ULK4: variants seen among roughly 807,000 people sequenced by gnomAD.
ULK4 encodes inactive serine/threonine-protein kinase ULK4.
Under a neutral mutation model 160.6 loss-of-function variants are expected in ULK4, and 133 were observed. The observed-to-expected ratio is 0.83, with a 90% confidence interval of 0.72 to 0.96. The LOEUF is 0.96. Among genes scored for constraint, ULK4 ranks in the 40% least tolerant of loss-of-function variants. The pLI is 0.00. For synonymous variants in ULK4, 534 were observed against 539.8 expected (o/e 0.99, Z 0.15); for missense variants, 1,580 against 1,499.5 (o/e 1.05, Z -0.89).
chr3:41,537,700 G>A (rs1044553935), intron 32 of ULK4, among the ~76,000 whole-genome samples: 5 of 152,168 alleles, frequency 3.3e-5, no homozygotes, highest in Non-Finnish European at 1.5e-5. Context: ...GATCAATCCA[G>A]AAAAAGTGTT....
intron 34 of ULK4, among the ~76,000 whole-genome samples, chr3:41,416,197 G>A (rs2082522187): frequency 6.6e-6 from 1 of 152,154 alleles, no homozygotes; most frequent in African/African-American, 2.4e-5. Flanking sequence ...TAAACTGGTA[G>A]GCCCTGGGAC....
intron 19 of ULK4, among the ~76,000 whole-genome samples, chr3:41,806,792 T>C (rs922322036): frequency 2.0e-5 from 3 of 152,150 alleles, no homozygotes; most frequent in Non-Finnish European, 4.4e-5. Context: ...TCAAGCTTCA[T>C]AAAAATTTTA....
intron 12 of ULK4, among the ~76,000 whole-genome samples, chr3:41,902,947 G>T (rs918759148): frequency 1.3e-5 from 2 of 152,158 alleles, no homozygotes; most frequent in Non-Finnish European, 2.9e-5. Context: ...AGTTAATGAA[G>T]ACACTTAAAT....
intron 17 of ULK4, among the ~76,000 whole-genome samples, chr3:41,872,311 GT>G: frequency 6.6e-6 from 1 of 152,182 alleles, no homozygotes; most frequent in Non-Finnish European, 1.5e-5. Flanking sequence ...TTTCTGCTGG[GT>G]TCCACAGGGT....
chr3:41,306,741 G>C (rs1413109881), intron 35 of ULK4, among the ~76,000 whole-genome samples: 1 of 151,872 alleles, frequency 6.6e-6, no homozygotes, highest in Non-Finnish European at 1.5e-5. Flanking sequence ...GAAATCGGAT[G>C]GTTGCCGTGT....
chr3:41,930,468 C>A (rs138732282), intron 5 of ULK4, among the ~76,000 whole-genome samples: 19,173 of 152,142 alleles, frequency 0.13, 1,388 homozygotes, highest in Middle Eastern at 0.27. Flanking sequence ...GTAATGGCAG[C>A]AAAAGCCAAA....
In ULK4 at chr3:41,449,079, G is replaced by A. The variant is rs369025248; in HGVS notation, c.3492+6418C>T. 4.0e-4 allele frequency among the ~76,000 whole-genome samples: 61 copies of A among 152,026 alleles called. No homozygotes were observed. In the South Asian group the frequency reaches 5.8e-3, roughly 15 times the overall value. On this transcript the variant is annotated intron_variant, in intron 34 of 36. Transcript: ENST00000301831. ...ACTACAGGCATGCGCCACCATGCCTGGTTAATTTTTGTATTTTTAGTAGAT... is the reference window on the plus strand; with the variant it reads ...ACTACAGGCATGCGCCACCATGCCTAGTTAATTTTTGTATTTTTAGTAGAT...
intron 13 of ULK4, among the ~76,000 whole-genome samples, chr3:41,900,441 C>A (rs1698311365): frequency 6.6e-6 from 1 of 152,122 alleles, no homozygotes; most frequent in African/African-American, 2.4e-5. Flanking sequence ...GCTGGCAACC[C>A]CTCCATGGCA....
intron 30 of ULK4, among the ~76,000 whole-genome samples, chr3:41,652,459 A>T (rs1041088239): frequency 6.6e-6 from 1 of 152,206 alleles, no homozygotes; most frequent in Non-Finnish European, 1.5e-5. Flanking sequence ...CAGGAGATAC[A>T]GTGACGAGTT....
chr3:41,934,106 C>A (rs1716653), intron 4 of ULK4, among the ~76,000 whole-genome samples: 112,475 of 151,958 alleles, frequency 0.74, 42,915 homozygotes, highest in East Asian at 0.83. Context: ...GGCTGAGAAA[C>A]AAATCAAAAT....
intron 34 of ULK4, among the ~76,000 whole-genome samples, chr3:41,405,811 T>C (rs2082282629): frequency 1.4e-5 from 2 of 143,394 alleles, no homozygotes; most frequent in Non-Finnish European, 3.0e-5. Flanking sequence ...CATTTTTTAA[T>C]GAGTTTTTTT....
intron 21 of ULK4, among the ~76,000 whole-genome samples, chr3:41,782,957 T>C (rs1311567725): frequency 6.6e-6 from 1 of 151,340 alleles, no homozygotes; most frequent in Non-Finnish European, 1.5e-5. Context: ...AAACACACAT[T>C]CGTAACACAT....
intron 27 of ULK4, among the ~76,000 whole-genome samples, chr3:41,690,613 A>G (rs895411108): frequency 1.3e-5 from 2 of 151,220 alleles, no homozygotes; most frequent in Non-Finnish European, 3.0e-5. Flanking sequence ...CCACCAACCA[A>G]TACATTTTTA....
At chr3:41,280,749 A>C (rs904738053) in intron 35 of ULK4, among the ~76,000 whole-genome samples, 2 of 152,094 alleles carry the variant, frequency 1.3e-5, no homozygotes, top group Non-Finnish European at 2.9e-5. Flanking sequence ...ATTAAAAGAA[A>C]TAGAGAAGCA....
At chr3:41,756,611 C>T (rs2038812221) in intron 21 of ULK4, among the ~76,000 whole-genome samples, 1 of 152,140 alleles carries the variant, frequency 6.6e-6, no homozygotes, top group African/African-American at 2.4e-5. Flanking sequence ...CTTCACCAGA[C>T]AGAGGGCAGC....
intron 22 of ULK4, among the ~76,000 whole-genome samples, chr3:41,724,214 G>C (rs563844807): frequency 6.6e-6 from 1 of 152,238 alleles, no homozygotes; most frequent in East Asian, 1.9e-4. Context: ...TACTCGTTTT[G>C]TTGTGGATGA....
At chr3:41,583,736 T>C (rs1293189673) in intron 31 of ULK4, among the ~76,000 whole-genome samples, 1 of 152,202 alleles carries the variant, frequency 6.6e-6, no homozygotes, top group African/African-American at 2.4e-5. Context: ...TTGGAGTGCT[T>C]TGTTATAATT....
chr3:41,407,761 TG>T (rs1413797283), intron 34 of ULK4, among the ~76,000 whole-genome samples: 1 of 152,166 alleles, frequency 6.6e-6, no homozygotes, highest in Non-Finnish European at 1.5e-5. Context: ...TAACACTCAC[TG>T]GCAAAAGAGT....
intron 35 of ULK4, among the ~76,000 whole-genome samples, chr3:41,334,433 A>G (rs1282390628): frequency 1.3e-5 from 2 of 152,172 alleles, no homozygotes; most frequent in Non-Finnish European, 2.9e-5. Context: ...CTCTAAATTT[A>G]TGAACCTATA....
Sources: allele counts gnomAD v4.1 joint callset (sites outside exome capture counted in the v4.1 genomes callset), GRCh38; gene constraint gnomAD v4.1.1; transcripts MANE v1.5; gene names NCBI Gene and HGNC (gene_info 2026-07-23, HGNC 2026-07-21).